TFAP2D: variants seen among roughly 807,000 people sequenced by gnomAD.
TFAP2D encodes transcription factor AP-2-delta.
In TFAP2D, 9 loss-of-function variants were observed where a neutral mutation model predicts 43.6. The ratio of observed to expected loss-of-function variants is 0.21; its 90% CI spans 0.12 to 0.36. The LOEUF is 0.36. Ranked by LOEUF, TFAP2D falls within the 10% of genes least tolerant of loss-of-function variation. TFAP2D has a pLI of 1.00. For missense variants in TFAP2D, 513 were observed against 561.4 expected, an observed-to-expected ratio of 0.91 and a Z score of 0.87; for synonymous variants, 256 against 224.9, an observed-to-expected ratio of 1.14 and a Z score of -1.24.
intron 7 of TFAP2D, among the ~76,000 whole-genome samples, chr6:50,768,342 T>C (rs1338254948): frequency 6.6e-6 from 1 of 151,036 alleles, no homozygotes; most frequent in Non-Finnish European, 1.5e-5. Flanking sequence ...CCTTTTTTTT[T>C]TTTTCTTTTG....
intron 7 of TFAP2D, among the ~76,000 whole-genome samples, chr6:50,762,233 A>G (rs555015085): frequency 6.6e-6 from 1 of 152,186 alleles, no homozygotes; most frequent in Non-Finnish European, 1.5e-5. Context: ...TACAGTTTGA[A>G]TGGTTGCAAT....
chr6:50,738,692 T>C (rs1277189890), intron 5 of TFAP2D, among the ~76,000 whole-genome samples: 15 of 152,176 alleles, frequency 9.9e-5, no homozygotes, highest in Admixed American at 6.6e-4. Context: ...TTATATTAAA[T>C]CACCCTTAAC....
At chr6:50,758,413 C>T (rs1470723564) in intron 7 of TFAP2D, among the ~76,000 whole-genome samples, 1 of 151,946 alleles carries the variant, frequency 6.6e-6, no homozygotes, top group Non-Finnish European at 1.5e-5. Context: ...TTCCATTTCC[C>T]AATGTCCCAC....
At chr6:50,716,457 G>A (rs1403353629) in intron 2 of TFAP2D, among the ~76,000 whole-genome samples, 3 of 129,016 alleles carry the variant, frequency 2.3e-5, no homozygotes, top group Non-Finnish European at 5.2e-5. Context: ...GAAGGAAGGA[G>A]AAAAGGAAGG....
chr6:50,738,708 T>C (rs1768996260), intron 5 of TFAP2D, among the ~76,000 whole-genome samples: 1 of 152,196 alleles, frequency 6.6e-6, no homozygotes, highest in Admixed American at 6.5e-5. Flanking sequence ...TTAACAAATA[T>C]GCTTTTCCAA....
rs555386810 is a variant in TFAP2D at position 50,713,953 on chromosome 6, T to C, written c.-103T>C. On this transcript the variant is annotated 5_prime_UTR_variant, in exon 1 of 8. Coordinates refer to ENST00000008391, the MANE Select transcript of TFAP2D (RefSeq NM_172238.4). ...AGATATCTACCTATAGAACATTTTT[T>C]TTTTCCTTTAAAAATTGGAAAATAC... The C allele has an allele frequency of 1.3e-6, 2 of 1,539,186 alleles. No individual in the cohort carries two copies. Among genetic ancestry groups the C allele is most frequent in the Admixed American group, 3.5e-5 (2 of 57,932 alleles).
chr6:50,768,570 A>T (rs1199217873), intron 7 of TFAP2D, among the ~76,000 whole-genome samples: 2 of 152,136 alleles, frequency 1.3e-5, no homozygotes, highest in South Asian at 4.1e-4. Context: ...CTAAAAGAAT[A>T]GCATGATGTT....
intron 2 of TFAP2D, among the ~76,000 whole-genome samples, chr6:50,716,918 C>T (rs1366915166): frequency 6.6e-6 from 1 of 152,170 alleles, no homozygotes; most frequent in Non-Finnish European, 1.5e-5. Context: ...CTTACAGTCC[C>T]AACAAAGAGC....
At chr6:50,753,767 ATTGAATATT>A (rs1222452179) in intron 7 of TFAP2D, among the ~76,000 whole-genome samples, 1 of 152,048 alleles carries the variant, frequency 6.6e-6, no homozygotes, top group African/African-American at 2.4e-5. Flanking sequence ...TTATTTATAT[ATTGAATATT>A]TTGAATATTA....
chr6:50,745,204 A>C lies in TFAP2D; in HGVS notation c.981A>C (p.Glu327Asp). The change falls in exon 6 of 8, where the codon GAA becomes GAC. Residue 327 changes from glutamate to aspartate, a missense_variant. Physicochemically the swap from Glu to Asp is conservative, Grantham distance 45. Coordinates refer to ENST00000008391, the MANE Select transcript of TFAP2D (RefSeq NM_172238.4). The stretch of plus-strand genomic sequence containing the variant: ...AACATCTTGCCAGACAACATATGGA[A>C]CAGAAAGAACAGACAGCAAGAAAAA... ...VGEHLARQHM[E>D]QKEQTARKKM... is the part of the protein sequence containing the mutation. 6.2e-7 allele frequency: 1 copy of C among 1,613,732 alleles called. No homozygotes were observed. The highest frequency in any genetic ancestry group is 8.5e-7 in the Non-Finnish European group (1 of 1,179,776).
chr6:50,731,449 TACACAC>T (rs35052459), intron 5 of TFAP2D, among the ~76,000 whole-genome samples: 9 of 149,274 alleles, frequency 6.0e-5, no homozygotes, highest in South Asian at 2.1e-4. Context: ...CCCACTTTCA[TACACAC>T]ACACACACAC....
intron 7 of TFAP2D, among the ~76,000 whole-genome samples, chr6:50,757,973 T>C (rs1261828296): frequency 6.6e-6 from 1 of 150,684 alleles, no homozygotes; most frequent in Non-Finnish European, 1.5e-5. Flanking sequence ...ATGCAATAAA[T>C]ATATGTAAAT....
intron 5 of TFAP2D, among the ~76,000 whole-genome samples, chr6:50,730,916 T>C (rs1332748512): frequency 6.6e-6 from 1 of 152,126 alleles, no homozygotes; most frequent in Non-Finnish European, 1.5e-5. Context: ...ATGAAATTTC[T>C]AATTGGTGTG....
At chr6:50,714,390 G>A (rs909687232) in intron 1 of TFAP2D, among the ~76,000 whole-genome samples, 1 of 152,018 alleles carries the variant, frequency 6.6e-6, no homozygotes, top group African/African-American at 2.4e-5. Flanking sequence ...AAGAGATAGA[G>A]ACGGAAAGAA....
chr6:50,732,511 C>T (rs550916703), intron 5 of TFAP2D, among the ~76,000 whole-genome samples: 63 of 152,098 alleles, frequency 4.1e-4, no homozygotes, highest in African/African-American at 1.5e-3. Flanking sequence ...GATTGTATTC[C>T]TCACAGAGCA....
Position 50,715,421 on chromosome 6 carries a change from C to T in TFAP2D, c.345C>T (p.Asn115=). Reference sequence around the variant, plus strand: ...ACGGGGAGCCCACCGACTTTATTAACCTGCACAATGCGCGGGCGCTCAAGT... The same window carrying T: ...ACGGGGAGCCCACCGACTTTATTAATCTGCACAATGCGCGGGCGCTCAAGT... The part of the protein sequence containing the change: ...IHHGEPTDFI[N]LHNARALKSS... Residue 115 remains asparagine (N), a synonymous_variant, in exon 2 of 8, where the codon AAC becomes AAT. Transcript: ENST00000008391. 1.2e-6 allele frequency: 2 copies of T among 1,614,156 alleles called. No individual in the cohort carries two copies. The highest frequency in any genetic ancestry group is 1.7e-6 in the Non-Finnish European group (2 of 1,180,040).
chr6:50,736,900 T>C (rs1020464108), intron 5 of TFAP2D, among the ~76,000 whole-genome samples: 9 of 152,294 alleles, frequency 5.9e-5, no homozygotes, highest in African/African-American at 2.2e-4. Flanking sequence ...CTTCTTAGTG[T>C]CTTTCTTTTC....
intron 3 of TFAP2D, among the ~76,000 whole-genome samples, chr6:50,726,882 G>A (rs367722758): frequency 2.0e-5 from 3 of 152,174 alleles, no homozygotes; most frequent in South Asian, 4.1e-4. Flanking sequence ...AATATGAAGA[G>A]GGGGAAGTAC....
At chr6:50,743,198 A>G (rs564019061) in intron 5 of TFAP2D, among the ~76,000 whole-genome samples, 7 of 152,274 alleles carry the variant, frequency 4.6e-5, no homozygotes, top group African/African-American at 1.7e-4. Flanking sequence ...GCCATTGCTC[A>G]TGTGAAATAT....
Sources: gnomAD v4.1 joint callset for allele counts (sites outside exome capture counted in the v4.1 genomes callset) on GRCh38, gnomAD v4.1.1 for gene constraint, MANE v1.5 for transcripts, NCBI Gene and HGNC (gene_info 2026-07-23, HGNC 2026-07-21) for gene names.